The following TTC8 variants were observed in gnomAD, a reference collection of about 807,000 sequenced individuals.
TTC8 encodes tetratricopeptide repeat domain 8, also known as tetratricopeptide repeat protein 8.
Under a neutral mutation model 72.5 loss-of-function variants are expected in TTC8, and 47 were observed. The ratio of observed to expected loss-of-function variants is 0.65; its 90% CI spans 0.51 to 0.83. The LOEUF (loss-of-function observed/expected upper bound fraction) is 0.83, where lower values mean the gene tolerates loss of function less well. Among genes scored for constraint, TTC8 ranks in the 40% least tolerant of loss-of-function variants. The pLI, the probability that TTC8 is intolerant of heterozygous loss-of-function variation, is 0.00. For missense variants in TTC8, 611 were observed against 623.2 expected (o/e 0.98, Z 0.21); for synonymous variants, 199 against 221.4 (o/e 0.90, Z 0.90).
intron 9 of TTC8, among the ~76,000 whole-genome samples, chr14:88,857,640 A>C (rs953151864): frequency 3.3e-5 from 5 of 152,154 alleles, no homozygotes; most frequent in Non-Finnish European, 7.4e-5. Flanking sequence ...GTTTTTACTT[A>C]GGTTCCTAGT....
intron 13 of TTC8, among the ~76,000 whole-genome samples, chr14:88,872,684 C>T (rs1232335154): frequency 6.6e-6 from 1 of 152,126 alleles, no homozygotes; most frequent in Non-Finnish European, 1.5e-5. Context: ...CTGAGCCTCC[C>T]CAGTCTACCC....
At chr14:88,862,452 G>A (rs1404001941) in intron 10 of TTC8, among the ~76,000 whole-genome samples, 1 of 143,862 alleles carries the variant, frequency 7.0e-6, no homozygotes, top group Admixed American at 7.0e-5. Context: ...CAATCCAGTG[G>A]AACAGAATAG....
chr14:88,837,807 G>A (rs74075884), intron 2 of TTC8, among the ~76,000 whole-genome samples: 1 of 152,106 alleles, frequency 6.6e-6, no homozygotes, highest in Non-Finnish European at 1.5e-5. Context: ...GATCTTTGAT[G>A]AGTGAAAACC....
intron 1 of TTC8, among the ~76,000 whole-genome samples, chr14:88,832,469 T>C (rs1023565779): frequency 2.0e-5 from 3 of 152,158 alleles, no homozygotes; most frequent in African/African-American, 7.2e-5. Context: ...CCTTACTATG[T>C]CCAACTCTCT....
intron 2 of TTC8, among the ~76,000 whole-genome samples, chr14:88,836,075 T>A (rs1404979498): frequency 1.3e-5 from 2 of 152,194 alleles, no homozygotes; most frequent in African/African-American, 4.8e-5. Context: ...GTAGATTTTA[T>A]TCTAGAGCTG....
At chr14:88,856,079 CA>C (rs2094854719) in intron 8 of TTC8, among the ~76,000 whole-genome samples, 1 of 152,136 alleles carries the variant, frequency 6.6e-6, no homozygotes, top group East Asian at 1.9e-4. Context: ...GACTCTATCT[CA>C]AAAGAAAGAA....
chr14:88,863,447 A>G (rs911325648), intron 10 of TTC8, among the ~76,000 whole-genome samples: 4 of 152,204 alleles, frequency 2.6e-5, no homozygotes, highest in Admixed American at 6.5e-5. Flanking sequence ...ATGAGAAGTG[A>G]TGTCTACCAG....
At chr14:88,862,844 C>T (rs2094894369) in intron 10 of TTC8, among the ~76,000 whole-genome samples, 1 of 151,162 alleles carries the variant, frequency 6.6e-6, no homozygotes, top group Non-Finnish European at 1.5e-5. Context: ...GTCATGTCGT[C>T]AAATTCTATG....
intron 10 of TTC8, among the ~76,000 whole-genome samples, chr14:88,868,303 G>C (rs1041171523): frequency 6.6e-6 from 1 of 152,158 alleles, no homozygotes; most frequent in Non-Finnish European, 1.5e-5. Flanking sequence ...ATAAGTAAAT[G>C]TTTAAAGATA....
intron 9 of TTC8, among the ~76,000 whole-genome samples, chr14:88,858,931 G>A (rs1482692849): frequency 6.6e-6 from 1 of 151,730 alleles, no homozygotes; most frequent in African/African-American, 2.4e-5. Flanking sequence ...AAGTTTCTGT[G>A]CATCATAGTA....
intron 14 of TTC8, among the ~76,000 whole-genome samples, chr14:88,876,265 A>G: frequency 6.6e-6 from 1 of 152,196 alleles, no homozygotes; most frequent in East Asian, 1.9e-4. Context: ...TTTAAGCAAA[A>G]GGCTGCACTT....
At chr14:88,828,251 A>C (rs527756892) in intron 1 of TTC8, among the ~76,000 whole-genome samples, 49 of 152,116 alleles carry the variant, frequency 3.2e-4, no homozygotes, top group Non-Finnish European at 5.7e-4. Flanking sequence ...AATAGTAATG[A>C]TCATCATTGC....
chr14:88,871,551 G>A lies in TTC8; in HGVS notation c.1052G>A (p.Arg351Gln), dbSNP rs779617849. The change falls in exon 12 of 15, where the codon CGG becomes CAG. Residue 351 changes from arginine (R) to glutamine (Q), a missense_variant and splice_region_variant. Transcript: ENST00000380656. The surrounding 1 kb of genome is among the most constrained non-coding windows in gnomAD (Gnocchi z 4.1). ...QPEIALRFYR[R>Q]LLQMGIYNGQ... Reference sequence around the variant, plus strand: ...TTTGTGTGTTCTTTTTTGAAAAGGCGGCTGCTGCAGATGGGCATTTATAAC... The same window carrying A: ...TTTGTGTGTTCTTTTTTGAAAAGGCAGCTGCTGCAGATGGGCATTTATAAC... 1.4e-5 allele frequency: 22 copies of A among 1,613,576 alleles called. No homozygotes were observed. In the East Asian group the frequency reaches 2.7e-4, roughly 20 times the overall value.
intron 9 of TTC8, among the ~76,000 whole-genome samples, chr14:88,860,433 G>A (rs553112196): frequency 3.8e-4 from 58 of 152,320 alleles, no homozygotes; most frequent in East Asian, 1.9e-3. Flanking sequence ...GCCATTAAGT[G>A]CTAACTTGCT....
downstream of TTC8, chr14:88,878,292 C>T (rs1297166711): frequency 6.6e-6 from 1 of 152,164 alleles, no homozygotes; most frequent in Non-Finnish European, 1.5e-5. Context: ...GAACTTTTCT[C>T]TGCCTTATTT....
chr14:88,854,806 C>T (rs2094848890), intron 8 of TTC8, among the ~76,000 whole-genome samples: 2 of 152,080 alleles, frequency 1.3e-5, no homozygotes, highest in Non-Finnish European at 2.9e-5. Context: ...CTTCAGTCTC[C>T]CAAGCTGGGA....
chr14:88,852,888 A>G (rs975112157), intron 7 of TTC8, 83 bp from the exon 8 acceptor site: 3 of 1,162,048 alleles, frequency 2.6e-6, no homozygotes, highest in East Asian at 2.5e-5. Flanking sequence ...GGTGCTAATT[A>G]TATGGTCTAT....
chr14:88,830,462 C>T (rs531788218), intron 1 of TTC8, among the ~76,000 whole-genome samples: 1 of 152,272 alleles, frequency 6.6e-6, no homozygotes, highest in South Asian at 2.1e-4. Context: ...TAAGCTTATA[C>T]TTGAATAAGT....
At chr14:88,852,751 T>C (rs1488776880) in intron 7 of TTC8, among the ~76,000 whole-genome samples, 1 of 152,226 alleles carries the variant, frequency 6.6e-6, no homozygotes, top group African/African-American at 2.4e-5. Flanking sequence ...TGCTTCCCTT[T>C]GATGAGTGTT....
Sources: allele counts gnomAD v4.1 joint callset (sites outside exome capture counted in the v4.1 genomes callset), GRCh38; gene constraint gnomAD v4.1.1; non-coding constraint Gnocchi (gnomAD v3.1); transcripts MANE v1.5; gene names NCBI Gene and HGNC (gene_info 2026-07-23, HGNC 2026-07-21).